Variants in NUP188 observed in about 807,000 individuals in gnomAD.
NUP188 encodes the protein nucleoporin NUP188.
A neutral mutation model predicts 223.0 loss-of-function variants in NUP188; 97 were observed. That is an observed-to-expected ratio of 0.43 (90% CI 0.37 to 0.51). NUP188 has a LOEUF of 0.51. Among genes scored for constraint, NUP188 ranks in the 20% least tolerant of loss-of-function variants. NUP188 has a pLI of 0.00. For missense variants in NUP188, 1,947 were observed against 2,175.6 expected (o/e 0.89, Z 2.09); for synonymous variants, 869 against 828.0 (o/e 1.05, Z -0.85).
intron 8 of NUP188, among the ~76,000 whole-genome samples, chr9:128,964,969 G>A (rs1842007975): frequency 6.6e-6 from 1 of 152,178 alleles, no homozygotes; most frequent in African/African-American, 2.4e-5. Context: ...GCCTCCCAGA[G>A]TGCTAGGATT....
Position 128,982,552 on chromosome 9 carries a change from G to T in NUP188, c.1520G>T (p.Gly507Val), listed in dbSNP as rs757355589. ...CTAATTTATCTTTCTCTCTCAGGGGGTCAAACCAACCTTCGCATACCTCAA... is the reference window on the plus strand; with the variant it reads ...CTAATTTATCTTTCTCTCTCAGGGGTTCAAACCAACCTTCGCATACCTCAA... ...QTPKLLYPLG[G>V]QTNLRIPQGT... The change falls in exon 16 of 44, where the codon GGT becomes GTT. Residue 507 changes from glycine to valine, a missense_variant. Gly to Val is a moderately radical substitution (Grantham distance 109). Transcript: ENST00000372577. The T allele has an allele frequency of 3.1e-6, 5 of 1,609,812 alleles. No individual in the cohort carries two copies. The highest frequency in any genetic ancestry group is 2.2e-5 in the South Asian group (2 of 89,796).
chr9:128,999,492 C>G, intron 33 of NUP188, 132 bp from the exon 34 acceptor site: 3 of 1,179,110 alleles, frequency 2.5e-6, no homozygotes, highest in South Asian at 1.4e-5. Context: ...TCTCCCTCCT[C>G]TCCCACTGGA....
chr9:128,955,279 T>C (rs1055163092), intron 3 of NUP188, among the ~76,000 whole-genome samples: 1 of 152,220 alleles, frequency 6.6e-6, no homozygotes, highest in African/African-American at 2.4e-5. Context: ...GTTACTTTTT[T>C]CTCTTTTCCT....
In NUP188 at chr9:129,006,954, C is replaced by A; in HGVS notation, c.*276C>A. The stretch of plus-strand genomic sequence containing the variant: ...TTTCCTTCCTTTCCAGCATTCCCCA[C>A]AGCACTGCCGGCCAGGGGAGAGGCG... On this transcript the variant is annotated 3_prime_UTR_variant, in exon 44 of 44. Transcript: ENST00000372577. 2.7e-6 allele frequency: 1 copy of A among 364,682 alleles called. No homozygotes were observed. Among genetic ancestry groups the A allele is most frequent in the East Asian group, 4.5e-5 (1 of 21,996 alleles). 22.6% of individuals were successfully genotyped at this position (364,682 alleles called of 1,614,324 possible).
intron 25 of NUP188, 86 bp from the exon 26 acceptor site, chr9:128,993,111 G>C: frequency 8.9e-7 from 1 of 1,124,956 alleles, no homozygotes; most frequent in Non-Finnish European, 1.4e-6. Context: ...CAATTTTCTG[G>C]GAGCTCTTCA....
intron 27 of NUP188, among the ~76,000 whole-genome samples, chr9:128,994,028 G>A (rs1002397561): frequency 6.6e-6 from 1 of 152,152 alleles, no homozygotes; most frequent in Non-Finnish European, 1.5e-5. Context: ...CCGTTCTATT[G>A]GACCTGCTGG....
In NUP188 at chr9:129,006,483, G is replaced by A. The variant is rs1842810656; in HGVS notation, c.5074-19G>A. On this transcript the variant is annotated intron_variant, in intron 43 of 43. Transcript: ENST00000372577. The stretch of plus-strand genomic sequence containing the variant: ...AGCCAGATGTGCTGAGCCTCACCAA[G>A]CCACTTTTTTTCTTGTAGAGCACGC... The A allele has an allele frequency of 7.4e-6, 12 of 1,611,936 alleles. No individual in the cohort carries two copies. The highest frequency in any genetic ancestry group is 9.3e-6 in the Non-Finnish European group (11 of 1,179,114).
chr9:128,988,131 G>C lies in NUP188; in HGVS notation c.2478G>C (p.Arg826=). The change falls in exon 24 of 44, where the codon CGG becomes CGC. Residue 826 remains arginine, a synonymous_variant. Coordinates refer to ENST00000372577, the MANE Select transcript of NUP188 (RefSeq NM_015354.3). ...TCTCCGTCACCAACAATGTTATTCG[G>C]CTGAAACCTCCTTCTAATGTGGTGT... ...LAFSVTNNVI[R]LKPPSNVVSP... is the part of the protein sequence containing the mutation. The C allele has an allele frequency of 6.2e-7, 1 of 1,614,188 alleles. No individual in the cohort carries two copies. Among genetic ancestry groups the C allele is most frequent in the Non-Finnish European group, 8.5e-7 (1 of 1,180,036 alleles).
Position 128,987,088 on chromosome 9 carries a change from AGTGTGT to A in NUP188, c.2264+252_2264+257del, listed in dbSNP as rs376346210. ...ATGAGAGAGAGAGAGAGAGAGAGAG[AGTGTGT>A]GTGTGTGTGTGTGTGTGTGTGTGTG... On this transcript the variant is annotated intron_variant, in intron 22 of 43. Coordinates refer to ENST00000372577, the MANE Select transcript of NUP188 (RefSeq NM_015354.3). 9.6e-3 allele frequency among the ~76,000 whole-genome samples: 1,089 copies of A among 113,232 alleles called. 5 individuals are homozygous for A. The highest frequency in any genetic ancestry group is 0.031 in the South Asian group (99 of 3,160). The allele number at this position is 113,232 out of a possible 152,430, so 74.3% of individuals were successfully genotyped here.
chr9:129,002,181 C>T (rs1408108013), intron 36 of NUP188, among the ~76,000 whole-genome samples: 1 of 152,254 alleles, frequency 6.6e-6, no homozygotes, highest in Admixed American at 6.5e-5. Flanking sequence ...TGTGCACTAC[C>T]TCTGGGAGAT....
In NUP188 at chr9:129,005,448, A is replaced by G. The variant is rs144651672; in HGVS notation, c.4655A>G (p.Tyr1552Cys). Reference protein sequence around the residue: ...SEQQALHTVQYGLLKILSKTL... With the variant: ...SEQQALHTVQCGLLKILSKTL... ...CAGCAGGCCTTGCACACAGTCCAGTATGGCCTTCTCAAGATCCTCAGCAAG... is the reference window on the plus strand; with the variant it reads ...CAGCAGGCCTTGCACACAGTCCAGTGTGGCCTTCTCAAGATCCTCAGCAAG... The change falls in exon 40 of 44, where the codon TAT (tyrosine) becomes TGT (cysteine). Residue 1552 changes from tyrosine (Y) to cysteine (C), a missense_variant. Physicochemically the swap from Tyr to Cys is radical, Grantham distance 194. Around this residue, in one of 3 missense-constraint regions of NUP188, gnomAD observed 905 missense variants for 990.6 expected, o/e 0.91. Transcript: ENST00000372577. 698 of 1,607,786 alleles carry G rather than the reference A, an allele frequency of 4.3e-4. 8 individuals are homozygous for G. In the East Asian group the frequency reaches 0.013, roughly 31 times the overall value.
chr9:128,987,086 A>AGTGT (rs1393383886), intron 22 of NUP188, among the ~76,000 whole-genome samples: 4,319 of 127,464 alleles, frequency 0.034, 48 homozygotes, highest in Non-Finnish European at 0.046. Flanking sequence ...AGAGAGAGAG[A>AGTGT]GAGTGTGTGT....
Position 129,005,205 on chromosome 9 carries a change from TGCA to T in NUP188, c.4497_4499del (p.Gln1499del), listed in dbSNP as rs1842760810. ...TCTCTCCTGCACAGTCGAAAGATGC[TGCA>T]GCATTACTTACAGGTAAGCGTCCTA... On this transcript the variant is annotated inframe_deletion, in exon 39 of 44. Coordinates refer to ENST00000372577, the MANE Select transcript of NUP188 (RefSeq NM_015354.3). 7 of 1,614,164 alleles carry T rather than the reference TGCA, an allele frequency of 4.3e-6. No homozygotes were observed. Among genetic ancestry groups the T allele is most frequent in the Non-Finnish European group, 5.1e-6 (6 of 1,179,996 alleles).
At chr9:129,002,566 A>T (rs1842690510) in intron 36 of NUP188, among the ~76,000 whole-genome samples, 1 of 152,240 alleles carries the variant, frequency 6.6e-6, no homozygotes, top group African/African-American at 2.4e-5. Flanking sequence ...GGGCAGTGAC[A>T]TGTCCAGGTT....
chr9:128,994,640 G>A (rs1373571009), intron 28 of NUP188, among the ~76,000 whole-genome samples, 198 bp downstream of exon 28: 2 of 152,178 alleles, frequency 1.3e-5, no homozygotes, highest in African/African-American at 2.4e-5. Flanking sequence ...AGTGGTTTGC[G>A]CTACTGTGTG....
In NUP188 at chr9:128,957,026, A is replaced by C. The variant is rs928105680; in HGVS notation, c.321A>C (p.Ser107=). 1 of 1,608,278 alleles carries C rather than the reference A, an allele frequency of 6.2e-7. No homozygotes were observed. The highest frequency in any genetic ancestry group is 8.5e-7 in the Non-Finnish European group (1 of 1,176,250). ...AGGACTACAGGGGTACTCGGGACTC[A>C]GTAAAGGTTTGTGGTTTATGTCAGC... ...LQEDYRGTRD[S]VKTVLQDERQ... The change falls in exon 5 of 44, where the codon TCA becomes TCC. Residue 107 remains serine, a synonymous_variant. Coordinates refer to ENST00000372577, the MANE Select transcript of NUP188 (RefSeq NM_015354.3).
At chr9:128,955,967 AT>A (rs1564549947) in intron 3 of NUP188, among the ~76,000 whole-genome samples, 1 of 99,118 alleles carries the variant, frequency 1.0e-5, no homozygotes, top group African/African-American at 5.1e-5. Flanking sequence ...GAGCTGTGGG[AT>A]TTTTGGTAAG....
intron 4 of NUP188, 111 bp downstream of exon 4, chr9:128,956,545 G>C: frequency 1.7e-6 from 1 of 595,106 alleles, no homozygotes. Flanking sequence ...GGATTAAATT[G>C]TTTTATAAAT....
rs983298507 is a variant in NUP188, at chr9:128,959,108, A to T, written c.559A>T (p.Thr187Ser). 1 of 1,600,338 alleles carries T rather than the reference A, an allele frequency of 6.2e-7. No homozygotes were observed. Among genetic ancestry groups the T allele is most frequent in the Admixed American group, 1.7e-5 (1 of 58,640 alleles). ...FEELYKTEAP[T>S]WETHGNLMTE... The stretch of plus-strand genomic sequence containing the variant: ...AGAGCTTTATAAAACTGAAGCACCA[A>T]CTTGGGAGACACATGGAAATCTCAT... The change falls in exon 8 of 44, where the codon ACT becomes TCT. Residue 187 changes from threonine (T) to serine (S), a missense_variant. Physicochemically the swap from Thr to Ser is moderately conservative, Grantham distance 58. Around this residue, in one of 3 missense-constraint regions of NUP188, gnomAD observed 817 missense variants for 865.8 expected, o/e 0.94. Transcript: ENST00000372577.
Sources: allele counts gnomAD v4.1 joint callset (sites outside exome capture counted in the v4.1 genomes callset), GRCh38; gene constraint gnomAD v4.1.1; regional missense constraint gnomAD v4.1.1; transcripts MANE v1.5; gene names NCBI Gene and HGNC (gene_info 2026-07-23, HGNC 2026-07-21).